The following EPB41L4B variants were observed in gnomAD, a reference collection of about 807,000 sequenced individuals.
EPB41L4B encodes the protein band 4.1-like protein 4B.
EPB41L4B carries 30 observed loss-of-function variants against 112.5 expected under a neutral mutation model. The ratio of observed to expected loss-of-function variants is 0.27; its 90% confidence interval spans 0.20 to 0.36. The LOEUF is 0.36. Ranked by LOEUF, EPB41L4B falls within the 10% of genes least tolerant of loss-of-function variation. EPB41L4B has a pLI of 1.00. For synonymous variants in EPB41L4B, 408 were observed against 439.7 expected, an observed-to-expected ratio of 0.93 and a Z score of 0.90; for missense variants, 1,024 against 1,133.3, an observed-to-expected ratio of 0.90 and a Z score of 1.38.
intron 22 of EPB41L4B, among the ~76,000 whole-genome samples, chr9:109,186,124 T>A (rs553090688): frequency 1.3e-5 from 2 of 152,078 alleles, no homozygotes. Flanking sequence ...CACTGTGGTA[T>A]GTCAGTGAGT....
At chr9:109,312,568 G>C (rs751861992) in intron 1 of EPB41L4B, among the ~76,000 whole-genome samples, 2 of 152,114 alleles carry the variant, frequency 1.3e-5, no homozygotes, top group East Asian at 1.9e-4. Context: ...AATCAAGCTA[G>C]AGTCTGCCTT....
intron 1 of EPB41L4B, among the ~76,000 whole-genome samples, chr9:109,305,981 G>C (rs982629845): frequency 1.3e-5 from 2 of 152,110 alleles, no homozygotes; most frequent in African/African-American, 2.4e-5. Context: ...ATACACAGGT[G>C]AGAAGTGAAG....
chr9:109,244,434 CTTTTTTTTTTTTTT>C (rs573807379), intron 14 of EPB41L4B, among the ~76,000 whole-genome samples: 18 of 48,514 alleles, frequency 3.7e-4, no homozygotes, highest in South Asian at 1.2e-3. Context: ...TGAAGGTTGT[CTTTTTTTTTTTTTT>C]TTTTTTTTTT....
intron 15 of EPB41L4B, among the ~76,000 whole-genome samples, chr9:109,242,680 C>T (rs1834394299): frequency 6.6e-6 from 1 of 151,990 alleles, no homozygotes. Context: ...GGTTTATTTC[C>T]AGCATTTTAT....
Position 109,310,770 on chromosome 9 carries a change from G to A in EPB41L4B, c.306+9371C>T, listed in dbSNP as rs921693806. Among the ~76,000 whole-genome samples the A allele has an allele frequency of 3.9e-5, 6 of 152,160 alleles. No individual in the cohort carries two copies. In the South Asian group the frequency reaches 6.2e-4, roughly 16 times the overall value. On this transcript the variant is annotated intron_variant, in intron 1 of 25. Coordinates refer to ENST00000374566, the MANE Select transcript of EPB41L4B (RefSeq NM_019114.5). ...TGAATGGGTAGGACCGAGTTAAGAC[G>A]GTCCAGACCTGCATAAACATCCACA...
intron 1 of EPB41L4B, among the ~76,000 whole-genome samples, chr9:109,318,917 G>A (rs1399283422): frequency 1.3e-5 from 2 of 152,162 alleles, no homozygotes; most frequent in Admixed American, 6.5e-5. Context: ...TCCAAGCCAG[G>A]CAGGCTCTGA....
intron 20 of EPB41L4B, among the ~76,000 whole-genome samples, chr9:109,195,719 T>A (rs1832618202): frequency 6.6e-6 from 1 of 152,240 alleles, no homozygotes; most frequent in Non-Finnish European, 1.5e-5. Context: ...TAAAAAATTA[T>A]CACCTCAATA....
At chr9:109,282,794 G>A (rs766434420) in intron 1 of EPB41L4B, among the ~76,000 whole-genome samples, 6 of 152,044 alleles carry the variant, frequency 3.9e-5, no homozygotes, top group Admixed American at 2.0e-4. Flanking sequence ...GGATTCAAGC[G>A]ATTCTGCTGC....
At chr9:109,185,012 TAGAA>T (rs1222091619) in intron 23 of EPB41L4B, among the ~76,000 whole-genome samples, 1 of 152,158 alleles carries the variant, frequency 6.6e-6, no homozygotes, top group East Asian at 1.9e-4. Context: ...TATGAATAAA[TAGAA>T]GGAAATATGT....
At chr9:109,184,893 T>C (rs1445440201) in intron 23 of EPB41L4B, among the ~76,000 whole-genome samples, 1 of 152,242 alleles carries the variant, frequency 6.6e-6, no homozygotes, top group African/African-American at 2.4e-5. Flanking sequence ...AATAGTCATA[T>C]AATGTGGTAA....
At chr9:109,256,111 T>TGG in intron 9 of EPB41L4B, 25 bp downstream of exon 9, 4 of 1,587,072 alleles carry the variant, frequency 2.5e-6, no homozygotes, top group Middle Eastern at 1.7e-4. Flanking sequence ...AAAGACATTT[T>TGG]TAATATTAGA....
At chr9:109,222,505 CAT>C (rs1833615447) in intron 15 of EPB41L4B, among the ~76,000 whole-genome samples, 1 of 152,184 alleles carries the variant, frequency 6.6e-6, no homozygotes. Flanking sequence ...CTTCCCTCTT[CAT>C]AGAGACCTCA....
At chr9:109,272,869 T>C (rs1002063472) in intron 2 of EPB41L4B, among the ~76,000 whole-genome samples, 10 of 152,310 alleles carry the variant, frequency 6.6e-5, no homozygotes, top group African/African-American at 2.4e-4. Flanking sequence ...TGGAGTTTAC[T>C]GTATCACATC....
chr9:109,276,707 C>T (rs1321991740), intron 2 of EPB41L4B, among the ~76,000 whole-genome samples: 2 of 152,206 alleles, frequency 1.3e-5, no homozygotes, highest in African/African-American at 4.8e-5. Context: ...GGAAAGCCTG[C>T]CAGCCAAGTC....
intron 1 of EPB41L4B, chr9:109,301,295 A>G (rs1019229006): frequency 3.3e-5 from 5 of 152,174 alleles, no homozygotes; most frequent in Non-Finnish European, 7.3e-5. Context: ...GACAATGATC[A>G]ACACTGTGTA....
intron 17 of EPB41L4B, among the ~76,000 whole-genome samples, chr9:109,209,618 G>T (rs578160854): frequency 1.5e-4 from 23 of 150,022 alleles, no homozygotes; most frequent in Non-Finnish European, 2.7e-4. Flanking sequence ...CTGCACTCCA[G>T]CATGGGCAAC....
rs569830307 is a variant in EPB41L4B, at chr9:109,304,462, T to A, written c.306+15679A>T. On this transcript the variant is annotated intron_variant, in intron 1 of 25. Transcript: ENST00000374566. ...CCCGAGGGGCACCTCTAATGATTTC[T>A]GCTCCTGGAGCCGTATCATATGTTG... Among the ~76,000 whole-genome samples the A allele has an allele frequency of 2.0e-5, 3 of 152,380 alleles. No homozygotes were observed. In the East Asian group the frequency reaches 5.8e-4, roughly 29 times the overall value.
intron 13 of EPB41L4B, among the ~76,000 whole-genome samples, chr9:109,250,185 GC>G (rs1380802380): frequency 6.6e-6 from 1 of 152,142 alleles, no homozygotes; most frequent in Non-Finnish European, 1.5e-5. Context: ...CACTGATCTA[GC>G]CCAACCTCCT....
intron 18 of EPB41L4B, 44 bp from the exon 19 acceptor site, chr9:109,203,774 G>A (rs1044270387): frequency 5.9e-6 from 9 of 1,515,366 alleles, no homozygotes; most frequent in African/African-American, 1.4e-5. Context: ...GAATATGTTG[G>A]CATGCAAAAA....
Sources: gnomAD v4.1 joint callset for allele counts (sites outside exome capture counted in the v4.1 genomes callset) on GRCh38, gnomAD v4.1.1 for gene constraint, MANE v1.5 for transcripts, NCBI Gene and HGNC (gene_info 2026-07-23, HGNC 2026-07-21) for gene names.